NWD2: variants seen among roughly 807,000 people sequenced by gnomAD.
NWD2 encodes NACHT and WD repeat domain-containing protein 2.
Under a neutral mutation model 132.7 loss-of-function variants are expected in NWD2, and 37 were observed. The ratio of observed to expected loss-of-function variants is 0.28; its 90% CI spans 0.21 to 0.37. The LOEUF is 0.37. NWD2 is among the 10% of genes least tolerant of loss of function. The pLI is 1.00. For synonymous variants in NWD2, 705 were observed against 803.0 expected (o/e 0.88, Z 2.06); for missense variants, 1,592 against 2,122.4 (o/e 0.75, Z 4.91).
intron 1 of NWD2, among the ~76,000 whole-genome samples, chr4:37,284,679 G>A (rs1346506830): frequency 3.3e-5 from 5 of 152,142 alleles, no homozygotes; most frequent in Admixed American, 6.6e-5. Flanking sequence ...TGTTCAATTT[G>A]GAAGAGTGGA....
chr4:37,277,101 G>T (rs963924577), intron 1 of NWD2, among the ~76,000 whole-genome samples: 1 of 150,354 alleles, frequency 6.7e-6, no homozygotes, highest in Non-Finnish European at 1.5e-5. Context: ...CCTGCACATT[G>T]TGCACATGTA....
At chr4:37,277,415 A>G (rs1235340764) in intron 1 of NWD2, among the ~76,000 whole-genome samples, 1 of 151,820 alleles carries the variant, frequency 6.6e-6, no homozygotes, top group Non-Finnish European at 1.5e-5. Flanking sequence ...GCTATGTTTG[A>G]TGTCCCACAG....
intron 2 of NWD2, among the ~76,000 whole-genome samples, chr4:37,344,706 C>G (rs1487599142): frequency 1.3e-5 from 2 of 152,070 alleles, no homozygotes; most frequent in Non-Finnish European, 2.9e-5. Context: ...TTTTAAATAG[C>G]TTTATTGAGA....
chr4:37,386,671 T>C (rs1345986022), intron 3 of NWD2, among the ~76,000 whole-genome samples: 1 of 152,186 alleles, frequency 6.6e-6, no homozygotes, highest in East Asian at 1.9e-4. Context: ...ACCTGCTTTT[T>C]CCCTACTTAT....
At chr4:37,247,558 A>T (rs1577642870) in intron 1 of NWD2, among the ~76,000 whole-genome samples, 1 of 152,284 alleles carries the variant, frequency 6.6e-6, no homozygotes, top group East Asian at 1.9e-4. Context: ...CTTGCATGGA[A>T]TTTCCCCATC....
chr4:37,417,656 G>A (rs1711660629), intron 3 of NWD2, among the ~76,000 whole-genome samples: 2 of 152,136 alleles, frequency 1.3e-5, no homozygotes, highest in Non-Finnish European at 2.9e-5. Flanking sequence ...CAGTGCTTTT[G>A]TTGATTAAAT....
Position 37,439,388 on chromosome 4 carries a change from A to C in NWD2, c.1294A>C (p.Lys432Gln). 1 of 1,454,094 alleles carries C rather than the reference A, an allele frequency of 6.9e-7. No homozygotes were observed. Among genetic ancestry groups the C allele is most frequent in the Non-Finnish European group, 9.1e-7 (1 of 1,098,852 alleles). The allele number at this position is 1,454,094 out of a possible 1,614,324, so 90.1% of individuals were successfully genotyped here. A position where few individuals can be genotyped will look rare whatever the true frequency, so the allele number is the denominator to read the frequency against. The stretch of plus-strand genomic sequence containing the variant: ...CCTTCTGCTAGCTGAAGTAGCAAAG[A>C]AGGTAAAAGCCTATTCTTTCCCGTG... Reference protein sequence around the residue: ...KTLLLAEVAKKAYGWLHEDTG... With the variant: ...KTLLLAEVAKQAYGWLHEDTG... The change falls in exon 6 of 7, where the codon AAG becomes CAG. Residue 432 changes from lysine to glutamine, a missense_variant and splice_region_variant. Physicochemically the swap from Lys to Gln is moderately conservative, Grantham distance 53 (BLOSUM62 1). Coordinates refer to ENST00000309447, the MANE Select transcript of NWD2 (RefSeq NM_001144990.2). This position sits in a 1 kb window ranked among gnomAD's most constrained non-coding sequence, Gnocchi z 4.5.
At chr4:37,279,547 C>T (rs1718087742) in intron 1 of NWD2, among the ~76,000 whole-genome samples, 1 of 152,140 alleles carries the variant, frequency 6.6e-6, no homozygotes, top group Admixed American at 6.5e-5. Flanking sequence ...GTAGAAGCAT[C>T]TCCATTATAT....
At chr4:37,256,817 A>G (rs1231305027) in intron 1 of NWD2, among the ~76,000 whole-genome samples, 1 of 152,224 alleles carries the variant, frequency 6.6e-6, no homozygotes, top group Non-Finnish European at 1.5e-5. Context: ...AAAAAAGGAT[A>G]AGAGCATTCA....
At chr4:37,375,922 C>T (rs537716651) in intron 3 of NWD2, among the ~76,000 whole-genome samples, 1 of 152,166 alleles carries the variant, frequency 6.6e-6, no homozygotes, top group African/African-American at 2.4e-5. Flanking sequence ...GAACTTGTTT[C>T]CAGTATTTTA....
intron 4 of NWD2, among the ~76,000 whole-genome samples, chr4:37,431,202 G>C (rs1463988372): frequency 6.6e-6 from 1 of 152,154 alleles, no homozygotes; most frequent in African/African-American, 2.4e-5. Context: ...ACACTCCCAG[G>C]TTCATTGCAG....
At chr4:37,255,047 G>A (rs1717486085) in intron 1 of NWD2, among the ~76,000 whole-genome samples, 1 of 152,196 alleles carries the variant, frequency 6.6e-6, no homozygotes, top group African/African-American at 2.4e-5. Flanking sequence ...AGCATCAACT[G>A]CAGTATTTAT....
chr4:37,445,860 C>G lies in NWD2; in HGVS notation c.3872C>G (p.Ser1291Cys). 6.4e-7 allele frequency: 1 copy of G among 1,551,998 alleles called. No individual in the cohort carries two copies. Among genetic ancestry groups the G allele is most frequent in the Non-Finnish European group, 8.7e-7 (1 of 1,147,052 alleles). The change falls in exon 7 of 7, where the codon TCT becomes TGT. Residue 1291 changes from serine to cysteine, a missense_variant. Ser to Cys is a moderately radical substitution (Grantham distance 112, BLOSUM62 -1). Transcript: ENST00000309447. The surrounding 1 kb of genome is among the most constrained non-coding windows in gnomAD (Gnocchi z 4.7). Reference protein sequence around the residue: ...VKSSHHNMLLSLSTSGVLSIW... With the variant: ...VKSSHHNMLLCLSTSGVLSIW... ...TCCAGTCACCACAATATGCTACTGTCTTTATCAACCAGTGGTGTTCTTTCC... is the reference window on the plus strand; with the variant it reads ...TCCAGTCACCACAATATGCTACTGTGTTTATCAACCAGTGGTGTTCTTTCC...
chr4:37,325,342 G>A (rs1301226524), intron 1 of NWD2, among the ~76,000 whole-genome samples: 2 of 152,060 alleles, frequency 1.3e-5, no homozygotes. Context: ...CCTAAGCCCG[G>A]GGTGGGGAGG....
Position 37,443,872 on chromosome 4 carries a change from C to T in NWD2, c.1884C>T (p.Asp628=), listed in dbSNP as rs562713907. The T allele has an allele frequency of 4.3e-5, 66 of 1,552,138 alleles. 1 individual carries two copies. Among genetic ancestry groups the T allele is most frequent in the Non-Finnish European group, 5.0e-5 (57 of 1,147,120 alleles). The change falls in exon 7 of 7, where the codon GAC becomes GAT. Residue 628 remains aspartate, a synonymous_variant. Coordinates refer to ENST00000309447, the MANE Select transcript of NWD2 (RefSeq NM_001144990.2). This position sits in a 1 kb window ranked among gnomAD's most constrained non-coding sequence, Gnocchi z 4.1. Reference sequence around the variant, plus strand: ...TGAGGCACTGGAGATCTCACAAAGACGTCGATGAATCCTCCCTCTCTGTCA... The same window carrying T: ...TGAGGCACTGGAGATCTCACAAAGATGTCGATGAATCCTCCCTCTCTGTCA... ...REVRHWRSHK[D]VDESSLSVTV...
At chr4:37,326,794 T>C (rs1017159789) in intron 2 of NWD2, among the ~76,000 whole-genome samples, 1 of 152,188 alleles carries the variant, frequency 6.6e-6, no homozygotes, top group Admixed American at 6.5e-5. Context: ...GATGAATATG[T>C]AATAGAGGTC....
intron 3 of NWD2, among the ~76,000 whole-genome samples, chr4:37,417,155 A>T (rs1272340933): frequency 1.3e-5 from 2 of 152,144 alleles, no homozygotes; most frequent in African/African-American, 4.8e-5. Flanking sequence ...AAATTTTTTT[A>T]AAAAAGAAAA....
chr4:37,351,976 A>C (rs944023259), intron 2 of NWD2, among the ~76,000 whole-genome samples: 1 of 152,126 alleles, frequency 6.6e-6, no homozygotes, highest in Non-Finnish European at 1.5e-5. Flanking sequence ...GTTTCCATAT[A>C]GTTGTGCGGT....
At chr4:37,246,182 A>G (rs1164952266) in intron 1 of NWD2, among the ~76,000 whole-genome samples, 2 of 152,180 alleles carry the variant, frequency 1.3e-5, no homozygotes, top group Non-Finnish European at 2.9e-5. Context: ...CTGCACTCTA[A>G]CAAGCCTTGA....
Sources: gnomAD v4.1 joint callset for allele counts (sites outside exome capture counted in the v4.1 genomes callset) on GRCh38, gnomAD v4.1.1 for gene constraint, Gnocchi (gnomAD v3.1) non-coding constraint, MANE v1.5 for transcripts, NCBI Gene and HGNC (gene_info 2026-07-23, HGNC 2026-07-21) for gene names.